Variants in CPNE4 observed in about 807,000 individuals in gnomAD.
The protein encoded by CPNE4 is copine 4.
In CPNE4, 25 loss-of-function variants were observed where a neutral mutation model predicts 67.9. That is an observed-to-expected ratio of 0.37 (90% CI 0.27 to 0.51). The LOEUF is 0.51. CPNE4 is among the 20% of genes least tolerant of loss of function. The pLI is 0.93. For missense variants in CPNE4, 464 were observed against 690.8 expected (o/e 0.67, Z 3.68); for synonymous variants, 242 against 244.9 (o/e 0.99, Z 0.11).
intron 7 of CPNE4, 63 bp from the exon 8 acceptor site, chr3:131,587,645 A>G: frequency 1.7e-6 from 2 of 1,189,594 alleles, no homozygotes; most frequent in Non-Finnish European, 2.5e-6. Flanking sequence ...AGCTGAAGGC[A>G]ATGTTAACTT....
At chr3:131,945,615 T>C (rs1246831347) in intron 1 of CPNE4, among the ~76,000 whole-genome samples, 1 of 152,140 alleles carries the variant, frequency 6.6e-6, no homozygotes, top group African/African-American at 2.4e-5. Context: ...TTCCTTCCTC[T>C]CTCTTTGTAC....
At chr3:131,888,550 C>A (rs2087987590) in intron 2 of CPNE4, among the ~76,000 whole-genome samples, 1 of 152,120 alleles carries the variant, frequency 6.6e-6, no homozygotes, top group Non-Finnish European at 1.5e-5. Flanking sequence ...TAAACTGACC[C>A]CAAGAACATC....
chr3:131,538,131 C>G (rs1935269320), intron 15 of CPNE4, among the ~76,000 whole-genome samples: 1 of 152,190 alleles, frequency 6.6e-6, no homozygotes, highest in Non-Finnish European at 1.5e-5. Flanking sequence ...TTTACTGTTG[C>G]TTGCAGCAAA....
chr3:131,915,014 G>C (rs2089132739), intron 1 of CPNE4, among the ~76,000 whole-genome samples: 1 of 152,042 alleles, frequency 6.6e-6, no homozygotes, highest in South Asian at 2.1e-4. Context: ...TGCTTTCCTA[G>C]CTACTAATAT....
chr3:131,584,243 A>T (rs1357050000), intron 8 of CPNE4, among the ~76,000 whole-genome samples: 2 of 151,956 alleles, frequency 1.3e-5, no homozygotes, highest in African/African-American at 4.8e-5. Context: ...CATTCTCTTG[A>T]TTTTAAATGT....
chr3:132,010,307 C>G (rs2073723470), intron 1 of CPNE4, among the ~76,000 whole-genome samples: 1 of 152,142 alleles, frequency 6.6e-6, no homozygotes, highest in Non-Finnish European at 1.5e-5. Context: ...CTACAAATAA[C>G]CAAGCACTGA....
At chr3:131,667,258 A>C (rs920894805) in intron 7 of CPNE4, among the ~76,000 whole-genome samples, 6 of 151,838 alleles carry the variant, frequency 4.0e-5, no homozygotes, top group African/African-American at 1.4e-4. Context: ...TCTTCTTCTG[A>C]TTTTGAAAGA....
At chr3:131,817,421 TC>T (rs2084787284) in intron 2 of CPNE4, among the ~76,000 whole-genome samples, 1 of 151,980 alleles carries the variant, frequency 6.6e-6, no homozygotes, top group African/African-American at 2.4e-5. Flanking sequence ...AGCAAGGAAG[TC>T]TATGTGGCTC....
chr3:131,680,740 G>A (rs944193151), intron 6 of CPNE4, among the ~76,000 whole-genome samples: 5 of 151,942 alleles, frequency 3.3e-5, no homozygotes, highest in Non-Finnish European at 5.9e-5. Context: ...GTTCTTTAGT[G>A]GTGATTTGTG....
intron 7 of CPNE4, among the ~76,000 whole-genome samples, chr3:131,645,909 A>G (rs2079651974): frequency 6.6e-6 from 1 of 152,194 alleles, no homozygotes; most frequent in Non-Finnish European, 1.5e-5. Flanking sequence ...TTGTGAGTGG[A>G]GCCCTCACCT....
rs557434654 is a variant in CPNE4 at position 131,575,143 on chromosome 3, G to A, written c.868-13C>T. The A allele has an allele frequency of 7.4e-6, 12 of 1,611,430 alleles. No homozygotes were observed. In the South Asian group the frequency reaches 1.2e-4, roughly 16 times the overall value. On this transcript the variant is annotated splice_polypyrimidine_tract_variant and intron_variant, in intron 9 of 15. Coordinates refer to ENST00000429747, the MANE Select transcript of CPNE4 (RefSeq NM_130808.3). ...GCATCTTGTGAATCTGCATAGGAGG[G>A]GAGAGGAAACTGGGTTAATAACAGC...
At chr3:131,963,505 T>C (rs1027991782) in intron 1 of CPNE4, among the ~76,000 whole-genome samples, 4 of 152,158 alleles carry the variant, frequency 2.6e-5, no homozygotes, top group African/African-American at 9.6e-5. Context: ...AAATTCTCAC[T>C]GCCAGCAAAG....
intron 1 of CPNE4, among the ~76,000 whole-genome samples, chr3:131,991,799 C>G (rs1583569560): frequency 1.5e-5 from 2 of 135,306 alleles, no homozygotes. Context: ...GCTGGGCCTC[C>G]TGCTCTGTGC....
chr3:131,785,798 T>G lies in CPNE4; in HGVS notation c.181-62173A>C, dbSNP rs369094812. Among the ~76,000 whole-genome samples the G allele has an allele frequency of 3.9e-5, 6 of 152,088 alleles. No homozygotes were observed. The South Asian group carries it at 8.3e-4, about 21-fold the overall frequency. On this transcript the variant is annotated intron_variant, in intron 2 of 15. Transcript: ENST00000429747. ...AGTCTGGGTGCTCAGGGTTTGGAGGTGTCCCTAATGCATGGGTTTTATGTT... is the reference window on the plus strand; with the variant it reads ...AGTCTGGGTGCTCAGGGTTTGGAGGGGTCCCTAATGCATGGGTTTTATGTT...
At chr3:131,768,799 G>A (rs1484915390) in intron 2 of CPNE4, among the ~76,000 whole-genome samples, 3 of 152,066 alleles carry the variant, frequency 2.0e-5, no homozygotes, top group Non-Finnish European at 4.4e-5. Context: ...TGAGTCCCCT[G>A]GAAAGAAACT....
chr3:131,875,688 G>A (rs1047220006), intron 2 of CPNE4, among the ~76,000 whole-genome samples: 1 of 142,750 alleles, frequency 7.0e-6, no homozygotes, highest in African/African-American at 2.5e-5. Context: ...TCCTGGGGTG[G>A]GGGGAGGGGG....
At chr3:131,972,648 C>T (rs1388035527) in intron 1 of CPNE4, among the ~76,000 whole-genome samples, 1 of 152,094 alleles carries the variant, frequency 6.6e-6, no homozygotes, top group Admixed American at 6.6e-5. Flanking sequence ...GTTGAAGACA[C>T]AAAGGGAGAA....
intron 1 of CPNE4, among the ~76,000 whole-genome samples, chr3:131,942,461 T>TGAGA (rs2071423471): frequency 6.6e-4 from 38 of 57,646 alleles, no homozygotes; most frequent in Admixed American, 8.6e-4. Flanking sequence ...TGTGTGTGTG[T>TGAGA]GTGAGAGAGA....
chr3:131,579,928 G>T (rs1159939825), intron 9 of CPNE4, among the ~76,000 whole-genome samples: 1 of 152,204 alleles, frequency 6.6e-6, no homozygotes, highest in Non-Finnish European at 1.5e-5. Flanking sequence ...TAAAGCAGAG[G>T]CAGGGTGTGA....
Sources: gnomAD v4.1 joint callset for allele counts (sites outside exome capture counted in the v4.1 genomes callset) on GRCh38, gnomAD v4.1.1 for gene constraint, MANE v1.5 for transcripts, NCBI Gene and HGNC (gene_info 2026-07-23, HGNC 2026-07-21) for gene names.